The following ADCYAP1R1 variants were observed in gnomAD, a reference collection of about 807,000 sequenced individuals.
The protein encoded by ADCYAP1R1 is ADCYAP receptor type I, also known as pituitary adenylate cyclase-activating polypeptide type I receptor.
Under a neutral mutation model 67.6 loss-of-function variants are expected in ADCYAP1R1, and 44 were observed. That is an observed-to-expected ratio of 0.65 (90% CI 0.51 to 0.84). The LOEUF is 0.84. Ranked by LOEUF, ADCYAP1R1 falls within the 40% of genes least tolerant of loss-of-function variation. The pLI, the probability that ADCYAP1R1 is intolerant of heterozygous loss-of-function variation, is 0.00. For missense variants in ADCYAP1R1, 477 were observed against 587.9 expected (o/e 0.81, Z 1.95); for synonymous variants, 222 against 219.6 (o/e 1.01, Z -0.10).
At chr7:31,071,466 G>T (rs1326845630) in intron 3 of ADCYAP1R1, among the ~76,000 whole-genome samples, 2 of 152,102 alleles carry the variant, frequency 1.3e-5, no homozygotes, top group Non-Finnish European at 2.9e-5. Context: ...GAGTGGAGAG[G>T]TCTCACAGAG....
intron 2 of ADCYAP1R1, among the ~76,000 whole-genome samples, chr7:31,064,317 C>T (rs1478621918): frequency 6.6e-6 from 1 of 152,222 alleles, no homozygotes; most frequent in Non-Finnish European, 1.5e-5. Flanking sequence ...GTTTTCTCCT[C>T]TAAACTGCAG....
In ADCYAP1R1 at chr7:31,106,687, C is replaced by A. The variant is rs775471562; in HGVS notation, c.*3C>A. ...CTGCTGACAATCTGGCCACCTGAGC[C>A]ATGCTCCCCTCCTCCTCCTCTCCTC... On this transcript the variant is annotated 3_prime_UTR_variant, in exon 16 of 16. Transcript: ENST00000304166. 1 of 1,602,100 alleles carries A rather than the reference C, an allele frequency of 6.2e-7. No individual in the cohort carries two copies. The highest frequency in any genetic ancestry group is 1.7e-5 in the Admixed American group (1 of 59,026).
intron 14 of ADCYAP1R1, among the ~76,000 whole-genome samples, chr7:31,103,679 A>G (rs1002797379): frequency 6.6e-6 from 1 of 152,136 alleles, no homozygotes; most frequent in African/African-American, 2.4e-5. Flanking sequence ...GTGTGTCCAC[A>G]TCCTGCCTTC....
At chr7:31,078,368 G>A (rs987221165) in intron 4 of ADCYAP1R1, among the ~76,000 whole-genome samples, 1 of 152,200 alleles carries the variant, frequency 6.6e-6, no homozygotes, top group Admixed American at 6.5e-5. Context: ...CCAGGTCCCT[G>A]TCTGTCAGCT....
In ADCYAP1R1 at chr7:31,085,193, T is replaced by C. The variant is rs553836895; in HGVS notation, c.537-117T>C. ...AGAGGTGGCAGGAAGGAGGGTGGCC[T>C]GGGTGGGAGACCTGCTGAGATAAAG... On this transcript the variant is annotated intron_variant, in intron 8 of 15. Transcript: ENST00000304166. 348 of 1,406,240 alleles carry C rather than the reference T, an allele frequency of 2.5e-4. 1 individual carries two copies. In the African/African-American group the frequency reaches 4.5e-3, roughly 18 times the overall value. 87.1% of individuals were successfully genotyped at this position (1,406,240 alleles called of 1,614,324 possible).
intron 3 of ADCYAP1R1, among the ~76,000 whole-genome samples, chr7:31,067,426 G>A (rs1794781795): frequency 6.6e-6 from 1 of 152,086 alleles, no homozygotes; most frequent in South Asian, 2.1e-4. Context: ...AATGAGTGGA[G>A]TGGGGTGGAT....
At chr7:31,089,349 G>C (rs754823055) in intron 12 of ADCYAP1R1, among the ~76,000 whole-genome samples, 12 of 150,834 alleles carry the variant, frequency 8.0e-5, no homozygotes, top group Non-Finnish European at 1.8e-4. Flanking sequence ...TTGTTTTGTA[G>C]GGATGATGTT....
intron 13 of ADCYAP1R1, among the ~76,000 whole-genome samples, chr7:31,095,437 C>T (rs1396284746): frequency 6.6e-6 from 1 of 152,132 alleles, no homozygotes; most frequent in South Asian, 2.1e-4. Flanking sequence ...TGTGTGAAAG[C>T]CCCCTCAGCC....
chr7:31,063,455 G>C lies in ADCYAP1R1; in HGVS notation c.51+140G>C, dbSNP rs573832294. On this transcript the variant is annotated intron_variant, in intron 2 of 15. Transcript: ENST00000304166. The stretch of plus-strand genomic sequence containing the variant: ...GCCAACACCACCACTGGGCCACCCA[G>C]TGCCTTTGTGTGAATCAGAAAAGAC... The C allele has an allele frequency of 6.0e-4, 491 of 824,244 alleles. No homozygotes were observed. In the African/African-American group the frequency reaches 7.5e-3, roughly 13 times the overall value. 51.1% of individuals were successfully genotyped at this position (824,244 alleles called of 1,614,324 possible). A position where few individuals can be genotyped will look rare whatever the true frequency, so the allele number is the denominator to read the frequency against.
chr7:31,066,749 C>T (rs1794754723), intron 3 of ADCYAP1R1, among the ~76,000 whole-genome samples: 1 of 152,174 alleles, frequency 6.6e-6, no homozygotes, highest in African/African-American at 2.4e-5. Context: ...TAATGAGAAG[C>T]TGGTGTTGAG....
intron 12 of ADCYAP1R1, among the ~76,000 whole-genome samples, chr7:31,089,962 G>A (rs1478958105): frequency 1.3e-5 from 2 of 152,130 alleles, no homozygotes; most frequent in Admixed American, 6.5e-5. Flanking sequence ...ACGTGTGTGT[G>A]TATCTGTGTG....
At chr7:31,056,467 G>T (rs1301691552) in intron 1 of ADCYAP1R1, among the ~76,000 whole-genome samples, 1 of 152,110 alleles carries the variant, frequency 6.6e-6, no homozygotes, top group Non-Finnish European at 1.5e-5. Flanking sequence ...TAGTGAACCA[G>T]GTCCTGCCTT....
chr7:31,059,912 G>A (rs1169051639), intron 1 of ADCYAP1R1, among the ~76,000 whole-genome samples: 1 of 151,504 alleles, frequency 6.6e-6, no homozygotes, highest in African/African-American at 2.4e-5. Context: ...TGGCGGGGGC[G>A]TCTGTGTCCA....
At chr7:31,079,560 C>T (rs966230545) in intron 4 of ADCYAP1R1, among the ~76,000 whole-genome samples, 1 of 152,224 alleles carries the variant, frequency 6.6e-6, no homozygotes, top group Non-Finnish European at 1.5e-5. Context: ...CTCTGAGAGG[C>T]AAAAGGCAAA....
intron 13 of ADCYAP1R1, 37 bp from the exon 14 acceptor site, chr7:31,103,200 A>C: frequency 1.2e-6 from 2 of 1,606,680 alleles, no homozygotes; most frequent in Non-Finnish European, 1.7e-6. Flanking sequence ...CGAGCCCTGG[A>C]AGTCCCCAGA....
chr7:31,065,496 C>G (rs150449571), intron 3 of ADCYAP1R1, among the ~76,000 whole-genome samples: 1 of 152,194 alleles, frequency 6.6e-6, no homozygotes, highest in Non-Finnish European at 1.5e-5. Flanking sequence ...GGACATTGAG[C>G]GTTCTTAGCC....
At chr7:31,083,958 A>T (rs764975189) in intron 6 of ADCYAP1R1, among the ~76,000 whole-genome samples, 183 bp from the exon 7 acceptor site, 2 of 152,174 alleles carry the variant, frequency 1.3e-5, no homozygotes, top group Non-Finnish European at 2.9e-5. Context: ...GGTTGAGATG[A>T]GCTTGCTCTT....
At chr7:31,100,963 G>A (rs879364510) in intron 13 of ADCYAP1R1, among the ~76,000 whole-genome samples, 32 of 152,174 alleles carry the variant, frequency 2.1e-4, no homozygotes, top group African/African-American at 5.8e-4. Flanking sequence ...GGCTCCTCAG[G>A]GCAGGAGGAC....
intron 13 of ADCYAP1R1, 103 bp downstream of exon 13, chr7:31,092,838 C>A: frequency 1.3e-6 from 1 of 764,640 alleles, no homozygotes; most frequent in Non-Finnish European, 2.2e-6. Context: ...ATAGGGTGAC[C>A]TAGCATCAGC....
Sources: gnomAD v4.1 joint callset for allele counts (sites outside exome capture counted in the v4.1 genomes callset) on GRCh38, gnomAD v4.1.1 for gene constraint, MANE v1.5 for transcripts, NCBI Gene and HGNC (gene_info 2026-07-23, HGNC 2026-07-21) for gene names.